Variants in TSHZ3 observed in about 807,000 individuals in gnomAD.
TSHZ3 encodes the protein teashirt zinc finger homeobox 3, also known as teashirt homolog 3.
Under a neutral mutation model 64.5 loss-of-function variants are expected in TSHZ3, and 10 were observed. That is an observed-to-expected ratio of 0.16 (90% CI 0.10 to 0.26). TSHZ3 has a LOEUF of 0.26. Ranked by LOEUF, TSHZ3 falls within the 10% of genes least tolerant of loss-of-function variation. The pLI is 1.00. For missense variants in TSHZ3, 1,242 were observed against 1,421.7 expected, an observed-to-expected ratio of 0.87 and a Z score of 2.03; for synonymous variants, 608 against 593.1, an observed-to-expected ratio of 1.03 and a Z score of -0.36.
intron 1 of TSHZ3, among the ~76,000 whole-genome samples, chr19:31,337,339 A>T (rs1212205395): frequency 6.6e-6 from 1 of 152,148 alleles, no homozygotes; most frequent in Non-Finnish European, 1.5e-5. Context: ...CCATGAGTGC[A>T]CTCAGTTCCT....
At chr19:31,173,315 A>G (rs1974563060) in intron 5 of TSHZ3, among the ~76,000 whole-genome samples, 1 of 152,226 alleles carries the variant, frequency 6.6e-6, no homozygotes, top group African/African-American at 2.4e-5. Context: ...CATTTAATTA[A>G]TGCAAAGTAG....
chr19:31,222,052 AT>A (rs1975400447), intron 4 of TSHZ3, among the ~76,000 whole-genome samples: 1 of 152,160 alleles, frequency 6.6e-6, no homozygotes, highest in Non-Finnish European at 1.5e-5. Flanking sequence ...GACCCCAGCT[AT>A]ACCTTGGTTG....
At chr19:31,167,345 C>A (rs960136671) in intron 5 of TSHZ3, among the ~76,000 whole-genome samples, 6 of 152,166 alleles carry the variant, frequency 3.9e-5, no homozygotes, top group Admixed American at 2.6e-4. Context: ...TGCTTCAAAT[C>A]TGAGAGATTG....
chr19:31,180,292 G>C (rs1475824146), intron 5 of TSHZ3, among the ~76,000 whole-genome samples: 1 of 152,162 alleles, frequency 6.6e-6, no homozygotes, highest in Non-Finnish European at 1.5e-5. Flanking sequence ...TCCAGTCCTA[G>C]ATAGCAAGGT....
chr19:31,234,362 C>A (rs907977425), intron 3 of TSHZ3, among the ~76,000 whole-genome samples: 1 of 151,606 alleles, frequency 6.6e-6, no homozygotes. Context: ...TTTTTAAATT[C>A]GTTTGTTTAT....
At chr19:31,323,368 A>G (rs1916832340) in intron 1 of TSHZ3, among the ~76,000 whole-genome samples, 1 of 152,230 alleles carries the variant, frequency 6.6e-6, no homozygotes, top group Non-Finnish European at 1.5e-5. Flanking sequence ...CAGAAAGCAA[A>G]TGCTATGATC....
chr19:31,328,866 T>C (rs1383407127), intron 1 of TSHZ3, among the ~76,000 whole-genome samples: 1 of 152,226 alleles, frequency 6.6e-6, no homozygotes, highest in African/African-American at 2.4e-5. Context: ...AGAGGCAGCC[T>C]TCCAGATAAG....
intron 1 of TSHZ3, among the ~76,000 whole-genome samples, chr19:31,320,017 A>C (rs1916716945): frequency 6.6e-6 from 1 of 152,200 alleles, no homozygotes; most frequent in Non-Finnish European, 1.5e-5. Context: ...CTCAAAAACC[A>C]GAGCTTAGAG....
chr19:31,197,874 A>T (rs8109039), intron 5 of TSHZ3, among the ~76,000 whole-genome samples: 1 of 151,754 alleles, frequency 6.6e-6, no homozygotes, highest in Admixed American at 6.6e-5. Context: ...AATATTTAAG[A>T]GAAAAATAAT....
intron 1 of TSHZ3, among the ~76,000 whole-genome samples, chr19:31,265,397 C>CAAAAAAAAAAAAAA (rs11432951): frequency 2.9e-5 from 1 of 34,258 alleles, no homozygotes; most frequent in African/African-American, 1.2e-4. Context: ...AACTCTGTCT[C>CAAAAAAAAAAAAAA]AAAAAAAAAA....
intron 5 of TSHZ3, among the ~76,000 whole-genome samples, chr19:31,159,186 GA>G (rs973241905): frequency 5.7e-4 from 86 of 152,158 alleles, no homozygotes; most frequent in African/African-American, 2.1e-3. Flanking sequence ...TTCTTGTGGA[GA>G]TGGGGGTTTC....
intron 1 of TSHZ3, among the ~76,000 whole-genome samples, chr19:31,283,195 A>G (rs1471241542): frequency 1.3e-5 from 2 of 152,114 alleles, no homozygotes; most frequent in African/African-American, 4.8e-5. Flanking sequence ...TTAGCCAGAC[A>G]TGGTGGCACA....
intron 1 of TSHZ3, among the ~76,000 whole-genome samples, chr19:31,286,935 T>C (rs1365292554): frequency 6.6e-6 from 1 of 152,228 alleles, no homozygotes; most frequent in Non-Finnish European, 1.5e-5. Flanking sequence ...TAATATTTAT[T>C]GTCATCATTA....
intron 4 of TSHZ3, among the ~76,000 whole-genome samples, chr19:31,205,909 C>T (rs777815090): frequency 6.6e-6 from 1 of 152,128 alleles, no homozygotes; most frequent in East Asian, 1.9e-4. Context: ...ATGTTCTATT[C>T]TTGGGGAAAT....
At chr19:31,192,921 G>A (rs184738910) in intron 5 of TSHZ3, among the ~76,000 whole-genome samples, 11 of 152,328 alleles carry the variant, frequency 7.2e-5, no homozygotes, top group Non-Finnish European at 1.0e-4. Context: ...AGGGAGATGC[G>A]TGGAGAAGGT....
intron 1 of TSHZ3, among the ~76,000 whole-genome samples, chr19:31,245,524 G>A (rs997081798): frequency 6.6e-6 from 1 of 152,210 alleles, no homozygotes. Flanking sequence ...AAAATCTCAC[G>A]CAGAAGGTTC....
intron 3 of TSHZ3, among the ~76,000 whole-genome samples, chr19:31,235,400 G>C (rs1451101816): frequency 6.6e-6 from 1 of 151,582 alleles, no homozygotes; most frequent in African/African-American, 2.4e-5. Flanking sequence ...GTTCCTACGA[G>C]TTCAACTGTT....
intron 1 of TSHZ3, among the ~76,000 whole-genome samples, chr19:31,342,625 CAG>C: frequency 6.6e-6 from 1 of 152,254 alleles, no homozygotes; most frequent in Middle Eastern, 3.4e-3. Context: ...TCAAAGAACT[CAG>C]AGGAAACTGA....
chr19:31,290,718 G>A (rs550140089), intron 1 of TSHZ3, among the ~76,000 whole-genome samples: 20 of 152,198 alleles, frequency 1.3e-4, no homozygotes, highest in African/African-American at 4.6e-4. Context: ...TCCAGGCATC[G>A]CTGCTGGGCT....
Sources: gnomAD v4.1 joint callset for allele counts (sites outside exome capture counted in the v4.1 genomes callset) on GRCh38, gnomAD v4.1.1 for gene constraint, MANE v1.5 for transcripts, NCBI Gene and HGNC (gene_info 2026-07-23, HGNC 2026-07-21) for gene names.